Variants in CPM observed in about 807,000 individuals in gnomAD.
CPM encodes the protein renal carboxypeptidase.
Under a neutral mutation model 46.4 loss-of-function variants are expected in CPM, and 35 were observed. The ratio of observed to expected loss-of-function variants is 0.75; its 90% CI spans 0.58 to 1.00. The LOEUF (loss-of-function observed/expected upper bound fraction) is 1.00. Ranked by LOEUF, CPM falls within the 50% of genes least tolerant of loss-of-function variation. The pLI is 0.00. For synonymous variants in CPM, 195 were observed against 195.3 expected, an observed-to-expected ratio of 1.00 and a Z score of 0.01; for missense variants, 422 against 530.4, an observed-to-expected ratio of 0.80 and a Z score of 2.01.
chr12:68,888,856 C>T (rs969327807), intron 2 of CPM, among the ~76,000 whole-genome samples: 1 of 152,116 alleles, frequency 6.6e-6, no homozygotes, highest in African/African-American at 2.4e-5. Context: ...GTTGGAGGAT[C>T]AGGAAAAGTT....
intron 1 of CPM, among the ~76,000 whole-genome samples, chr12:68,953,251 C>CT (rs1021089084): frequency 2.4e-4 from 36 of 147,054 alleles, no homozygotes; most frequent in South Asian, 8.6e-4. Context: ...TTTTCTCTCT[C>CT]TTTTTTTTTT....
intron 2 of CPM, among the ~76,000 whole-genome samples, chr12:68,889,644 C>T (rs1351929007): frequency 1.3e-5 from 2 of 152,044 alleles, no homozygotes; most frequent in Non-Finnish European, 2.9e-5. Context: ...GCTTGGGCAA[C>T]ACAGTGTGAT....
chr12:68,845,698 A>G, intron 5 of CPM: 1 of 171,408 alleles, frequency 5.8e-6, no homozygotes, highest in Non-Finnish European at 1.3e-5. Flanking sequence ...TACAACTTAG[A>G]TGTCCAGCCA....
chr12:68,904,632 AGATGAGC>A (rs900193344), intron 2 of CPM, among the ~76,000 whole-genome samples: 12 of 152,222 alleles, frequency 7.9e-5, no homozygotes, highest in African/African-American at 2.7e-4. Flanking sequence ...ATTCAGAATT[AGATGAGC>A]TCTTGAAGAC....
rs1565778678 is a variant in CPM at position 68,882,036 on chromosome 12, T to TTG, written c.258+3755_258+3756insCA. Among the ~76,000 whole-genome samples the TTG allele has an allele frequency of 2.6e-4, 39 of 151,390 alleles. No homozygotes were observed. The South Asian group carries it at 8.1e-3, about 32-fold the overall frequency. On this transcript the variant is annotated intron_variant, in intron 3 of 8. Transcript: ENST00000551568. ...CACGCCCGGCCTGCTTTTTTTTTTT[T>TTG]TTTTTTTTTTAACATTTATTTTAAA...
At chr12:68,938,901 A>G (rs1332474319) in intron 1 of CPM, among the ~76,000 whole-genome samples, 3 of 148,702 alleles carry the variant, frequency 2.0e-5, no homozygotes, top group Non-Finnish European at 4.5e-5. Flanking sequence ...ATGTACATAC[A>G]TATATATGTA....
chr12:68,957,319 CAG>C (rs1889037371), intron 1 of CPM: 1 of 148,722 alleles, frequency 6.7e-6, no homozygotes, highest in South Asian at 1.7e-4. Flanking sequence ...CAGTGATTCT[CAG>C]AAAAAAAAAA....
intron 3 of CPM, among the ~76,000 whole-genome samples, chr12:68,877,021 G>A (rs1885988304): frequency 6.6e-6 from 1 of 152,126 alleles, no homozygotes; most frequent in Admixed American, 6.6e-5. Context: ...TCATCGGGCT[G>A]TGGGGCTCCA....
chr12:68,859,476 C>T lies in CPM; in HGVS notation c.941-405G>A, dbSNP rs1397478491. On this transcript the variant is annotated intron_variant, in intron 7 of 8. Coordinates refer to ENST00000551568, the MANE Select transcript of CPM (RefSeq NM_198320.5). ...AGTTACAACAAAATATTTACGTGTG[C>T]GAGGGACTCAATAGTTTTGTCTTGT... Among the ~76,000 whole-genome samples, 5 of 152,036 alleles carry T rather than the reference C, an allele frequency of 3.3e-5. No homozygotes were observed. In the South Asian group the frequency reaches 6.2e-4, roughly 19 times the overall value.
chr12:68,926,201 A>C (rs1888253013), intron 2 of CPM, among the ~76,000 whole-genome samples: 1 of 152,240 alleles, frequency 6.6e-6, no homozygotes, highest in Non-Finnish European at 1.5e-5. Flanking sequence ...TACAGGTGTG[A>C]GCCACTGCTT....
chr12:68,906,258 A>G (rs889355989), intron 2 of CPM, among the ~76,000 whole-genome samples: 1 of 152,192 alleles, frequency 6.6e-6, no homozygotes, highest in South Asian at 2.1e-4. Context: ...TACCTGAGGT[A>G]TTTGTAAAAA....
chr12:68,901,852 T>C (rs568891814), intron 2 of CPM, among the ~76,000 whole-genome samples: 2 of 151,538 alleles, frequency 1.3e-5, no homozygotes, highest in African/African-American at 4.8e-5. Context: ...GTAGCAGAAG[T>C]ATTACAGGAG....
intron 1 of CPM, among the ~76,000 whole-genome samples, chr12:68,963,005 G>A (rs191349308): frequency 6.6e-6 from 1 of 152,294 alleles, no homozygotes; most frequent in East Asian, 1.9e-4. Context: ...ACAAAGTCGT[G>A]GCCTGACCAC....
intron 1 of CPM, among the ~76,000 whole-genome samples, chr12:68,953,013 A>C (rs1228530933): frequency 1.3e-5 from 2 of 152,206 alleles, no homozygotes; most frequent in Non-Finnish European, 2.9e-5. Context: ...CAAAATTTAC[A>C]GGTGACCTAA....
At chr12:68,842,564 A>G (rs1883869694) in intron 5 of CPM, 2 of 345,206 alleles carry the variant, frequency 5.8e-6, no homozygotes, top group South Asian at 5.5e-5. Flanking sequence ...ATCGCATCTC[A>G]TTGTTAACTC....
intron 2 of CPM, among the ~76,000 whole-genome samples, chr12:68,900,201 A>C (rs563008173): frequency 5.7e-4 from 87 of 152,386 alleles, no homozygotes; most frequent in African/African-American, 2.0e-3. Context: ...ACTCAATTAA[A>C]AAATGGACAA....
chr12:68,854,645 C>G lies in CPM; in HGVS notation c.*1792G>C, dbSNP rs1884877491. ...GCATTCCAGATACAGGGGACACAAACAGCTCTGTGTTTATGAACTACAACC... is the reference window on the plus strand; with the variant it reads ...GCATTCCAGATACAGGGGACACAAAGAGCTCTGTGTTTATGAACTACAACC... On this transcript the variant is annotated 3_prime_UTR_variant, in exon 9 of 9. Coordinates refer to ENST00000551568, the MANE Select transcript of CPM (RefSeq NM_198320.5). The G allele has an allele frequency of 6.6e-6, 1 of 152,176 alleles. No homozygotes were observed. Among genetic ancestry groups the G allele is most frequent in the South Asian group, 2.1e-4 (1 of 4,830 alleles). 9.4% of individuals were successfully genotyped at this position (152,176 alleles called of 1,614,324 possible). A position where few individuals can be genotyped will look rare whatever the true frequency, so the allele number is the denominator to read the frequency against.
rs146809821 is a variant in CPM at position 68,890,195 on chromosome 12, C to T, written c.161-4306G>A. Among the ~76,000 whole-genome samples the T allele has an allele frequency of 6.4e-4, 97 of 152,172 alleles. 1 individual carries two copies. The East Asian group carries it at 0.018, about 29-fold the overall frequency. On this transcript the variant is annotated intron_variant, in intron 2 of 8. Coordinates refer to ENST00000551568, the MANE Select transcript of CPM (RefSeq NM_198320.5). ...GAGGTTACAGTGAATTATGATTGTGCCACTGCACTCCAGCCTGGGACACAG... is the reference window on the plus strand; with the variant it reads ...GAGGTTACAGTGAATTATGATTGTGTCACTGCACTCCAGCCTGGGACACAG...
chr12:68,948,681 G>A (rs1888886262), intron 1 of CPM, among the ~76,000 whole-genome samples: 1 of 152,170 alleles, frequency 6.6e-6, no homozygotes. Flanking sequence ...TAGTCTCAAT[G>A]ATTAGACTCT....
Sources: allele counts gnomAD v4.1 joint callset (sites outside exome capture counted in the v4.1 genomes callset), GRCh38; gene constraint gnomAD v4.1.1; transcripts MANE v1.5; gene names NCBI Gene and HGNC (gene_info 2026-07-23, HGNC 2026-07-21).